The following MMD2 variants were observed in gnomAD, a reference collection of about 807,000 sequenced individuals.
The protein encoded by MMD2 is monocyte to macrophage differentiation associated 2.
Under a neutral mutation model 33.5 loss-of-function variants are expected in MMD2, and 30 were observed. The ratio of observed to expected loss-of-function variants is 0.90; its 90% CI spans 0.67 to 1.22. MMD2 has a LOEUF of 1.22. MMD2 is among the 50% of genes most tolerant of loss of function. The pLI is 0.00. For synonymous variants in MMD2, 129 were observed against 123.0 expected, an observed-to-expected ratio of 1.05 and a Z score of -0.32; for missense variants, 364 against 325.4, an observed-to-expected ratio of 1.12 and a Z score of -0.91.
chr7:4,914,010 G>A (rs966531546), intron 4 of MMD2, among the ~76,000 whole-genome samples: 1 of 152,028 alleles, frequency 6.6e-6, no homozygotes, highest in African/African-American at 2.4e-5. Flanking sequence ...TTTTTTTAGA[G>A]ACCGGGTGTC....
chr7:4,930,224 ACGC>A (rs1310385746), intron 1 of MMD2, among the ~76,000 whole-genome samples: 6 of 140,816 alleles, frequency 4.3e-5, no homozygotes, highest in Non-Finnish European at 7.6e-5. Context: ...AGCCAAGATC[ACGC>A]CGCCACTGCA....
chr7:4,958,923 C>T, intron 1 of MMD2, 48 bp downstream of exon 1: 1 of 1,281,832 alleles, frequency 7.8e-7, no homozygotes, highest in South Asian at 2.7e-5. Flanking sequence ...CCCCCGCCGC[C>T]GCGCGCCCCT....
chr7:4,927,513 C>T (rs1013680815), intron 1 of MMD2, among the ~76,000 whole-genome samples: 11 of 152,028 alleles, frequency 7.2e-5, no homozygotes, highest in Admixed American at 6.6e-4. Context: ...TGCACTCCAA[C>T]CTGGGCGACA....
chr7:4,917,083 G>C (rs79107072), intron 3 of MMD2, among the ~76,000 whole-genome samples: 1 of 151,956 alleles, frequency 6.6e-6, no homozygotes, highest in Non-Finnish European at 1.5e-5. Context: ...AAAAAAAAGT[G>C]CAAAAACTAC....
rs1306956862 is a variant in MMD2 at position 4,907,094 on chromosome 7, A to G, written c.*302T>C. 5.5e-6 allele frequency: 2 copies of G among 363,442 alleles called. No individual in the cohort carries two copies. Among genetic ancestry groups the G allele is most frequent in the African/African-American group, 4.2e-5 (2 of 48,154 alleles). 22.5% of individuals were successfully genotyped at this position (363,442 alleles called of 1,614,324 possible). On this transcript the variant is annotated 3_prime_UTR_variant, in exon 7 of 7. Coordinates refer to ENST00000401401, the MANE Select transcript of MMD2 (RefSeq NM_198403.4). ...AACACAGATTGGCCCGTCATTCCCC[A>G]ATTTTCCAGGACCATGCCTGCTTCC...
intron 6 of MMD2, 155 bp downstream of exon 6, chr7:4,909,726 T>C: frequency 1.0e-6 from 1 of 981,108 alleles, no homozygotes; most frequent in Non-Finnish European, 1.6e-6. Context: ...TGAGCCACTG[T>C]ACCTGGCCTA....
At chr7:4,902,559 G>A (rs865895227), downstream of MMD2, among the ~76,000 whole-genome samples, 7 of 152,286 alleles carry the variant, frequency 4.6e-5, 1 homozygote, top group Admixed American at 3.3e-4. Flanking sequence ...CTGGCACCCC[G>A]GAGGAGACCC....
At chr7:4,934,845 A>T (rs1387286348) in intron 1 of MMD2, among the ~76,000 whole-genome samples, 1 of 152,194 alleles carries the variant, frequency 6.6e-6, no homozygotes, top group Non-Finnish European at 1.5e-5. Flanking sequence ...GCAGCTTCCA[A>T]GTATGTAAAC....
intron 2 of MMD2, among the ~76,000 whole-genome samples, chr7:4,923,918 G>T (rs1049218273): frequency 6.6e-6 from 1 of 151,764 alleles, no homozygotes; most frequent in Non-Finnish European, 1.5e-5. Context: ...GGGAGGCCAA[G>T]GCGGCGGCTC....
intron 6 of MMD2, among the ~76,000 whole-genome samples, chr7:4,908,929 A>G (rs569361708): frequency 9.3e-5 from 14 of 151,152 alleles, no homozygotes; most frequent in African/African-American, 3.4e-4. Flanking sequence ...GACAGGACAG[A>G]GTTATAGTTT....
Position 4,911,140 on chromosome 7 carries a change from C to T in MMD2, c.467+5G>A. 7.6e-6 allele frequency: 12 copies of T among 1,571,134 alleles called. No homozygotes were observed. Among genetic ancestry groups the T allele is most frequent in the Non-Finnish European group, 1.0e-5 (12 of 1,158,720 alleles). On this transcript the variant is annotated splice_donor_5th_base_variant and intron_variant, in intron 5 of 6. Coordinates refer to ENST00000401401, the MANE Select transcript of MMD2 (RefSeq NM_198403.4). ...GCCTCCCTGAAGCCCCCAGGCCTGGCTTACCGCTCATGGAAGAAGAAGACA... is the reference window on the plus strand; with the variant it reads ...GCCTCCCTGAAGCCCCCAGGCCTGGTTTACCGCTCATGGAAGAAGAAGACA...
At chr7:4,914,121 G>C (rs1018259860) in intron 4 of MMD2, among the ~76,000 whole-genome samples, 1 of 152,188 alleles carries the variant, frequency 6.6e-6, no homozygotes, top group Admixed American at 6.5e-5. Flanking sequence ...GAGTAGCTGG[G>C]AGCACAGGCA....
intron 1 of MMD2, among the ~76,000 whole-genome samples, chr7:4,952,353 G>A (rs970867965): frequency 2.0e-5 from 3 of 152,198 alleles, no homozygotes; most frequent in Non-Finnish European, 4.4e-5. Flanking sequence ...ATGAAGTGGG[G>A]GTTTCCAGGT....
At chr7:4,944,955 G>C (rs1208016624) in intron 1 of MMD2, among the ~76,000 whole-genome samples, 1 of 150,568 alleles carries the variant, frequency 6.6e-6, no homozygotes, top group African/African-American at 2.4e-5. Context: ...ATTTTTAGCA[G>C]AGACGGGGTT....
chr7:4,909,599 C>T (rs902503882), intron 6 of MMD2: 2 of 628,746 alleles, frequency 3.2e-6, no homozygotes, highest in Non-Finnish European at 5.7e-6. Flanking sequence ...TGCACCACAT[C>T]TGGCTAATTT....
At chr7:4,926,486 C>T (rs376241409) in intron 1 of MMD2, among the ~76,000 whole-genome samples, 29 of 152,172 alleles carry the variant, frequency 1.9e-4, no homozygotes, top group African/African-American at 6.5e-4. Context: ...ATGCGTAGAC[C>T]CACTAAACCA....
chr7:4,910,742 C>T (rs1324932685), intron 5 of MMD2, among the ~76,000 whole-genome samples: 1 of 152,296 alleles, frequency 6.6e-6, no homozygotes, highest in East Asian at 1.9e-4. Context: ...CATTCTCCTG[C>T]CTCAGCCTCC....
At chr7:4,938,325 T>C (rs1785806611) in intron 1 of MMD2, among the ~76,000 whole-genome samples, 1 of 152,084 alleles carries the variant, frequency 6.6e-6, no homozygotes, top group South Asian at 2.1e-4. Flanking sequence ...TTTAATTTCT[T>C]ACAGCTCTTT....
At chr7:4,926,447 G>T (rs1785429716) in intron 1 of MMD2, among the ~76,000 whole-genome samples, 1 of 151,952 alleles carries the variant, frequency 6.6e-6, no homozygotes, top group Admixed American at 6.6e-5. Flanking sequence ...ATATAGCTCT[G>T]CAAGGGGCAG....
Sources: gnomAD v4.1 joint callset for allele counts (sites outside exome capture counted in the v4.1 genomes callset) on GRCh38, gnomAD v4.1.1 for gene constraint, MANE v1.5 for transcripts, NCBI Gene and HGNC (gene_info 2026-07-23, HGNC 2026-07-21) for gene names.